ALG6: variants seen among roughly 807,000 people sequenced by gnomAD.
ALG6 encodes the protein ALG6 alpha-1,3-glucosyltransferase.
ALG6 carries 46 observed loss-of-function variants against 66.6 expected under a neutral mutation model. The ratio of observed to expected loss-of-function variants is 0.69; its 90% CI spans 0.55 to 0.88. The LOEUF (loss-of-function observed/expected upper bound fraction) is 0.88, where lower values mean the gene tolerates loss of function less well. Ranked by LOEUF, ALG6 falls within the 40% of genes least tolerant of loss-of-function variation. The pLI, the probability that ALG6 is intolerant of heterozygous loss-of-function variation, is 0.00. For synonymous variants in ALG6, 185 were observed against 203.7 expected (o/e 0.91, Z 0.78); for missense variants, 505 against 586.8 (o/e 0.86, Z 1.44).
chr1:63,389,631 CT>C (rs1648609561), intron 2 of ALG6, among the ~76,000 whole-genome samples: 1 of 152,116 alleles, frequency 6.6e-6, no homozygotes, highest in Admixed American at 6.5e-5. Flanking sequence ...GGTCTTAATG[CT>C]TGTGGATATT....
rs747748799 is a variant in ALG6 at position 63,370,934 on chromosome 1, G to T, written c.-44G>T. 2.6e-6 allele frequency: 3 copies of T among 1,148,416 alleles called. No homozygotes were observed. The highest frequency in any genetic ancestry group is 4.0e-6 in the Non-Finnish European group (3 of 754,522). 71.1% of individuals were successfully genotyped at this position (1,148,416 alleles called of 1,614,324 possible). ...TTGACCACGTTTTAAAAGTACTCTG[G>T]CACTGGTGCTGTGTTTTCTTCCCCT... On this transcript the variant is annotated 5_prime_UTR_variant, in exon 2 of 15. Coordinates refer to ENST00000263440, the MANE Select transcript of ALG6 (RefSeq NM_013339.4).
rs1207096732 is a variant in ALG6 at position 63,428,988 on chromosome 1, A to AT, written c.1194dup (p.Ile399TyrfsTer11). 1.2e-6 allele frequency: 2 copies of AT among 1,612,914 alleles called. No homozygotes were observed. The highest frequency in any genetic ancestry group is 2.7e-5 in the African/African-American group (2 of 74,896). On this transcript the variant is annotated frameshift_variant, in exon 14 of 15. Coordinates refer to ENST00000263440, the MANE Select transcript of ALG6 (RefSeq NM_013339.4). LOFTEE classifies it high-confidence loss of function. Reference sequence around the variant, plus strand: ...TGCCCTCTGTTGTGACAACAATGGCATTTTTTATAGCTTGTGTAACTTCCT... The same window carrying AT: ...TGCCCTCTGTTGTGACAACAATGGCATTTTTTTATAGCTTGTGTAACTTCCT...
chr1:63,388,384 A>C (rs1049746931), intron 2 of ALG6, among the ~76,000 whole-genome samples: 7 of 152,292 alleles, frequency 4.6e-5, no homozygotes, highest in Admixed American at 6.5e-5. Flanking sequence ...CCAGGCTGGC[A>C]AATAACATCT....
At chr1:63,419,165 A>G (rs183932142) in intron 11 of ALG6, among the ~76,000 whole-genome samples, 11 of 152,282 alleles carry the variant, frequency 7.2e-5, no homozygotes, top group African/African-American at 2.6e-4. Flanking sequence ...ATAAAGCTTT[A>G]TAATCATTGT....
chr1:63,396,472 A>G, intron 2 of ALG6, 41 bp from the exon 3 acceptor site: 1 of 1,511,642 alleles, frequency 6.6e-7, no homozygotes, highest in East Asian at 2.3e-5. Flanking sequence ...CTGATATGCT[A>G]AAGTACATTG....
intron 2 of ALG6, among the ~76,000 whole-genome samples, chr1:63,372,548 A>T (rs1005456438): frequency 5.9e-5 from 9 of 151,986 alleles, no homozygotes; most frequent in Non-Finnish European, 1.3e-4. Flanking sequence ...GTAAATGTAT[A>T]TATACACAGA....
rs1267294292 is a variant in ALG6 at position 63,406,371 on chromosome 1, G to T, written c.401G>T (p.Cys134Phe). ...CCTGCAGTGGTTTTGTACTGTTGTT[G>T]CTTAAAAGAAATCTCAACTAAGAAA... ...YIPAVVLYCC[C>F]LKEISTKKKI... Residue 134 changes from cysteine (C) to phenylalanine (F), a missense_variant, in exon 6 of 15, where the codon TGC becomes TTC. Coordinates refer to ENST00000263440, the MANE Select transcript of ALG6 (RefSeq NM_013339.4). 6.2e-7 allele frequency: 1 copy of T among 1,613,238 alleles called. No homozygotes were observed. Among genetic ancestry groups the T allele is most frequent in the Non-Finnish European group, 8.5e-7 (1 of 1,179,496 alleles).
intron 7 of ALG6, among the ~76,000 whole-genome samples, chr1:63,409,566 A>T (rs2100419508): frequency 6.6e-6 from 1 of 152,084 alleles, no homozygotes; most frequent in East Asian, 1.9e-4. Context: ...TATATTTTTA[A>T]TTTCTAATTA....
At chr1:63,422,219 T>TTATATC (rs1644582367) in intron 12 of ALG6, among the ~76,000 whole-genome samples, 2 of 87,736 alleles carry the variant, frequency 2.3e-5, no homozygotes, top group African/African-American at 5.5e-5. Context: ...AAATATATAT[T>TTATATC]TATATAAATA....
chr1:63,436,315 T>C (rs922904131), intron 14 of ALG6, among the ~76,000 whole-genome samples: 6 of 152,184 alleles, frequency 3.9e-5, no homozygotes, highest in African/African-American at 9.6e-5. Context: ...ATTCAACTTA[T>C]TATTTTCTAG....
At position 63,433,238 on chromosome 1, in the gene ALG6, G is replaced by T. The variant is rs12085715; in HGVS notation, c.1327-3585G>T. 0.21 allele frequency among the ~76,000 whole-genome samples: 32,549 copies of T among 152,144 alleles called. 4,057 individuals are homozygous for T. Among genetic ancestry groups the T allele is most frequent in the African/African-American group, 0.35 (14,492 of 41,474 alleles). ...TTACAGGCGTGAGCTACCGCGCCCA[G>T]CCCAACAGGCTATACTTATTTATAT... is the stretch of plus-strand genomic sequence containing the variant. On this transcript the variant is annotated intron_variant, in intron 14 of 14. Coordinates refer to ENST00000263440, the MANE Select transcript of ALG6 (RefSeq NM_013339.4). This position sits in a 1 kb window ranked among gnomAD's most constrained non-coding sequence, Gnocchi z 4.2.
intron 6 of ALG6, 52 bp from the exon 7 acceptor site, chr1:63,407,010 C>G (rs929393304): frequency 1.4e-6 from 2 of 1,406,890 alleles, no homozygotes; most frequent in Non-Finnish European, 2.0e-6. Flanking sequence ...TTTTACCCTG[C>G]TTGATTTGTG....
intron 5 of ALG6, among the ~76,000 whole-genome samples, chr1:63,406,065 A>G (rs1468715497): frequency 1.3e-5 from 2 of 152,104 alleles, no homozygotes; most frequent in African/African-American, 4.8e-5. Flanking sequence ...GCAAAGAGAG[A>G]ATGTTAGATA....
intron 2 of ALG6, among the ~76,000 whole-genome samples, chr1:63,391,771 A>G (rs1648680598): frequency 6.6e-6 from 1 of 152,212 alleles, no homozygotes; most frequent in African/African-American, 2.4e-5. Context: ...TTTTTCTGAA[A>G]TGTCTATCCC....
intron 4 of ALG6, among the ~76,000 whole-genome samples, chr1:63,402,879 G>A (rs1473214977): frequency 6.6e-6 from 1 of 150,838 alleles, no homozygotes; most frequent in Non-Finnish European, 1.5e-5. Flanking sequence ...GGCGGATCAC[G>A]AGGTCAGGAG....
intron 12 of ALG6, among the ~76,000 whole-genome samples, chr1:63,425,913 A>G (rs1271618520): frequency 6.6e-6 from 1 of 151,954 alleles, no homozygotes; most frequent in Non-Finnish European, 1.5e-5. Context: ...CGGTAGGATC[A>G]AAAGATTGTC....
At chr1:63,411,855 G>A (rs1644517981) in intron 8 of ALG6, 71 bp from the exon 9 acceptor site, 1 of 1,593,012 alleles carries the variant, frequency 6.3e-7, no homozygotes, top group Admixed American at 1.7e-5. Context: ...TATGTTCAGT[G>A]AGACTCAGGT....
chr1:63,406,841 G>A (rs1330276065), intron 6 of ALG6, among the ~76,000 whole-genome samples: 2 of 151,930 alleles, frequency 1.3e-5, no homozygotes, highest in Admixed American at 6.6e-5. Context: ...ACCTTTTAGT[G>A]GTTTTGTTTT....
intron 2 of ALG6, among the ~76,000 whole-genome samples, chr1:63,381,408 C>T (rs1424648756): frequency 1.3e-5 from 2 of 152,142 alleles, no homozygotes; most frequent in East Asian, 1.9e-4. Flanking sequence ...GAGCTGAGAT[C>T]TCACCACTGC....
Sources: gnomAD v4.1 joint callset for allele counts (sites outside exome capture counted in the v4.1 genomes callset) on GRCh38, gnomAD v4.1.1 for gene constraint, Gnocchi (gnomAD v3.1) non-coding constraint, MANE v1.5 for transcripts, NCBI Gene and HGNC (gene_info 2026-07-23, HGNC 2026-07-21) for gene names.